CDK13: variants seen among roughly 807,000 people sequenced by gnomAD.
CDK13 encodes the protein cyclin dependent kinase 13, also known as cyclin-dependent kinase 13.
In CDK13, 40 loss-of-function variants were observed where a neutral mutation model predicts 137.6. That is an observed-to-expected ratio of 0.29 (90% CI 0.23 to 0.38). The LOEUF (loss-of-function observed/expected upper bound fraction) is 0.38. Among genes scored for constraint, CDK13 ranks in the 10% least tolerant of loss-of-function variants. The pLI, the probability that CDK13 is intolerant of heterozygous loss-of-function variation, is 1.00. For synonymous variants in CDK13, 869 were observed against 760.1 expected (o/e 1.14, Z -2.36); for missense variants, 1,704 against 1,951.8 (o/e 0.87, Z 2.39).
Position 39,988,121 on chromosome 7 carries a change from A to G in CDK13, c.1734A>G (p.Val578=), listed in dbSNP as rs750898684. 6.8e-6 allele frequency: 11 copies of G among 1,614,014 alleles called. No individual in the cohort carries two copies. The highest frequency in any genetic ancestry group is 9.3e-6 in the Non-Finnish European group (11 of 1,180,026). The stretch of plus-strand genomic sequence containing the variant: ...CTGCTGCTACAAAGGAGGAATCAGT[A>G]TCTCTTAAAGAGAAAACCAAACCAC... ...SKSAATKEES[V]SLKEKTKPLT... Residue 578 remains valine (V), a synonymous_variant, in exon 2 of 14, where the codon GTA becomes GTG. Transcript: ENST00000181839.
At chr7:40,014,058 CTTTTTTTTT>C (rs927741062) in intron 5 of CDK13, among the ~76,000 whole-genome samples, 20 of 60,936 alleles carry the variant, frequency 3.3e-4, no homozygotes, top group South Asian at 6.2e-4. Context: ...GCTGTCTTGT[CTTTTTTTTT>C]TTTTTTTTTT....
At chr7:39,999,603 C>G in intron 4 of CDK13, 103 bp downstream of exon 4, 1 of 1,123,986 alleles carries the variant, frequency 8.9e-7, no homozygotes, top group South Asian at 1.6e-5. Context: ...AAATTAAATT[C>G]AATTTTATTG....
chr7:40,058,624 ATTG>A (rs1168219034), intron 7 of CDK13, among the ~76,000 whole-genome samples: 1 of 152,052 alleles, frequency 6.6e-6, no homozygotes, highest in Non-Finnish European at 1.5e-5. Flanking sequence ...CAGTTAAGAT[ATTG>A]TTGTGGTCAT....
At chr7:40,075,531 T>C (rs1313867296) in intron 9 of CDK13, among the ~76,000 whole-genome samples, 3 of 152,120 alleles carry the variant, frequency 2.0e-5, no homozygotes, top group Admixed American at 6.5e-5. Context: ...TTGTTTATTA[T>C]AAGACTATTA....
intron 5 of CDK13, among the ~76,000 whole-genome samples, chr7:40,003,859 G>A (rs182508751): frequency 1.3e-5 from 2 of 152,088 alleles, no homozygotes; most frequent in African/African-American, 2.4e-5. Flanking sequence ...AATTTCTCAC[G>A]CCTGAGGTCT....
At chr7:40,025,325 C>G (rs1785221539) in intron 5 of CDK13, among the ~76,000 whole-genome samples, 1 of 152,242 alleles carries the variant, frequency 6.6e-6, no homozygotes, top group Non-Finnish European at 1.5e-5. Context: ...TGTCTTTGTA[C>G]TTGTAATCAA....
intron 5 of CDK13, among the ~76,000 whole-genome samples, chr7:40,039,632 A>G (rs1287261171): frequency 3.3e-5 from 5 of 151,744 alleles, no homozygotes; most frequent in Admixed American, 3.3e-4. Flanking sequence ...GAGTTTCACC[A>G]TGTTGGCCAG....
At chr7:39,990,623 G>A (rs1161979461) in intron 2 of CDK13, among the ~76,000 whole-genome samples, 1 of 152,174 alleles carries the variant, frequency 6.6e-6, no homozygotes, top group Non-Finnish European at 1.5e-5. Context: ...TTATAATACT[G>A]TTAGAAGTAC....
chr7:39,984,054 T>C (rs1784284923), intron 1 of CDK13: 1 of 152,272 alleles, frequency 6.6e-6, no homozygotes, highest in Admixed American at 6.5e-5. Context: ...CTAATCATCA[T>C]TTTGTTTTTG....
At chr7:40,087,610 G>A (rs1488098595) in intron 11 of CDK13, among the ~76,000 whole-genome samples, 7 of 146,972 alleles carry the variant, frequency 4.8e-5, no homozygotes, top group Admixed American at 1.4e-4. Flanking sequence ...GTGCAGTGGC[G>A]CAATCTCGGC....
At chr7:39,999,209 G>A (rs1412745645) in intron 3 of CDK13, 152 bp from the exon 4 acceptor site, 4 of 515,830 alleles carry the variant, frequency 7.8e-6, no homozygotes, top group Non-Finnish European at 1.3e-5. Context: ...TACCAAATCA[G>A]TGTTACTTGT....
Position 39,988,235 on chromosome 7 carries a change from G to T in CDK13, c.1848G>T (p.Leu616=). Residue 616 remains leucine (L), a synonymous_variant, in exon 2 of 14, where the codon CTG becomes CTT. Transcript: ENST00000181839. Reference sequence around the variant, plus strand: ...CACCGTTACCTTTGCCTCCCATGCTGCCTGAAGATAAAGAAGCTGATAGGT... The same window carrying T: ...CACCGTTACCTTTGCCTCCCATGCTTCCTGAAGATAAAGAAGCTGATAGGT... ...TLPPLPLPPM[L]PEDKEADSLR... is the part of the protein sequence containing the mutation. 6.9e-6 allele frequency: 11 copies of T among 1,599,006 alleles called. No individual in the cohort carries two copies. The highest frequency in any genetic ancestry group is 9.4e-6 in the Non-Finnish European group (11 of 1,176,226).
Position 39,987,862 on chromosome 7 carries a change from C to G in CDK13, c.1475C>G (p.Thr492Ser), listed in dbSNP as rs763042681. 21 of 1,614,120 alleles carry G rather than the reference C, an allele frequency of 1.3e-5. No individual in the cohort carries two copies. Among genetic ancestry groups the G allele is most frequent in the Non-Finnish European group, 1.7e-5 (20 of 1,180,042 alleles). ...GCCAAGGCTGCAAAAGCTTCAAACA[C>G]TTCTACACCTACCAAGGGGAACACG... ...AAAKAAKASN[T>S]STPTKGNTET... Residue 492 changes from threonine (T) to serine (S), a missense_variant, in exon 2 of 14, where the codon ACT becomes AGT. Physicochemically the swap from Thr to Ser is moderately conservative, Grantham distance 58 (BLOSUM62 1). Around this residue, in one of 5 missense-constraint regions of CDK13, gnomAD observed 1,051 missense variants for 931.0 expected, o/e 1.13. Transcript: ENST00000181839.
At position 40,094,580 on chromosome 7, in the gene CDK13, A is replaced by G. The variant is rs752649261; in HGVS notation, c.4139A>G (p.Tyr1380Cys). ...GNSDIQSLDN[Y>C]STASSHSGGP... is the part of the protein sequence containing the mutation. ...TCAGATATTCAGTCTTTGGATAACT[A>G]CAGTACTGCTTCATCTCATTCTGGT... Residue 1380 changes from tyrosine to cysteine, a missense_variant, in exon 14 of 14, where the codon TAC (tyrosine) becomes TGC (cysteine). Around this residue, in one of 5 missense-constraint regions of CDK13, gnomAD observed 475 missense variants for 579.3 expected, o/e 0.82. Transcript: ENST00000181839. The G allele has an allele frequency of 8.7e-6, 14 of 1,613,064 alleles. No homozygotes were observed. The highest frequency in any genetic ancestry group is 5.3e-5 in the African/African-American group (4 of 74,916).
intron 5 of CDK13, among the ~76,000 whole-genome samples, chr7:40,019,126 A>G (rs928902239): frequency 1.3e-5 from 2 of 152,192 alleles, no homozygotes; most frequent in African/African-American, 4.8e-5. Flanking sequence ...AGTTTCATCC[A>G]AAGTTTTGTT....
chr7:40,047,669 C>T (rs1785779077), intron 6 of CDK13, 152 bp from the exon 7 acceptor site: 1 of 498,778 alleles, frequency 2.0e-6, no homozygotes, highest in Non-Finnish European at 3.6e-6. Flanking sequence ...CTTGCCTTTC[C>T]CTGTATTACC....
rs187779018 is a variant in CDK13, at chr7:39,965,732, G to C, written c.1211+13880G>C. On this transcript the variant is annotated intron_variant, in intron 1 of 13. Coordinates refer to ENST00000181839, the MANE Select transcript of CDK13 (RefSeq NM_003718.5). ...TAGCCTCAATGGTCTTTACAATTTG[G>C]TATGTTTTTGCAGTGGCTCTTACCG... is the stretch of plus-strand genomic sequence containing the variant. Among the ~76,000 whole-genome samples, 338 of 152,238 alleles carry C rather than the reference G, an allele frequency of 2.2e-3. 1 individual carries two copies. The highest frequency in any genetic ancestry group is 7.7e-3 in the African/African-American group (321 of 41,538).
intron 1 of CDK13, among the ~76,000 whole-genome samples, chr7:39,981,958 ATTTT>A (rs11359193): frequency 7.1e-6 from 1 of 140,290 alleles, no homozygotes; most frequent in Non-Finnish European, 1.5e-5. Context: ...CGCCCGGCTA[ATTTT>A]TTTTTTTTTC....
chr7:40,058,583 G>GT (rs1226700381), intron 7 of CDK13, among the ~76,000 whole-genome samples: 1 of 148,870 alleles, frequency 6.7e-6, no homozygotes, highest in African/African-American at 2.5e-5. Flanking sequence ...GGCGGGCGGG[G>GT]GGGTGCAATT....
Sources: allele counts gnomAD v4.1 joint callset (sites outside exome capture counted in the v4.1 genomes callset), GRCh38; gene constraint gnomAD v4.1.1; regional missense constraint gnomAD v4.1.1; transcripts MANE v1.5; gene names NCBI Gene and HGNC (gene_info 2026-07-23, HGNC 2026-07-21).